SCGB2B2: variants seen among roughly 807,000 people sequenced by gnomAD.
The protein encoded by SCGB2B2 is secretoglobin family 2B member 2, also known as secretoglobin-like protein.
A neutral mutation model predicts 7.6 loss-of-function variants in SCGB2B2; 11 were observed. The observed-to-expected ratio is 1.45, with a 90% CI of 0.91 to 2.40. The LOEUF is 2.40. Among genes scored for constraint, SCGB2B2 ranks in the 30% most tolerant of loss-of-function variants. The pLI is 0.00. For missense variants in SCGB2B2, 104 were observed against 115.4 expected (o/e 0.90, Z 0.45); for synonymous variants, 50 against 48.6 (o/e 1.03, Z -0.12).
chr19:34,627,392 C>G (rs1180081398), intron 1 of SCGB2B2, among the ~76,000 whole-genome samples: 3 of 151,900 alleles, frequency 2.0e-5, no homozygotes, highest in Admixed American at 2.0e-4. Context: ...CACATAGTCT[C>G]AAAATAAAGG....
chr19:34,659,502 A>G (rs2067388400), intron 1 of SCGB2B2, among the ~76,000 whole-genome samples: 1 of 152,200 alleles, frequency 6.6e-6, no homozygotes, highest in Non-Finnish European at 1.5e-5. Context: ...TAATAGACAA[A>G]CGGAGAGCCA....
chr19:34,608,095 G>A (rs994884031), intron 1 of SCGB2B2, among the ~76,000 whole-genome samples: 1 of 152,044 alleles, frequency 6.6e-6, no homozygotes. Context: ...ATCCATGAAA[G>A]TATGAAGTCA....
rs567757887 is a variant in SCGB2B2 at position 34,650,285 on chromosome 19, C to T, written c.-2032+25345G>A. ...CTATGGAGATTGGGGATCTTCCAGC[C>T]GAGCCAACGGCAAAGATGAGGATTT... On this transcript the variant is annotated intron_variant, in intron 1 of 3. Transcript: ENST00000601241. Among the ~76,000 whole-genome samples the T allele has an allele frequency of 2.2e-4, 34 of 151,280 alleles. 2 individuals carry two copies. Among genetic ancestry groups the T allele is most frequent in the African/African-American group, 8.1e-4 (33 of 40,598 alleles).
In SCGB2B2 at chr19:34,652,740, T is replaced by A. The variant is rs1263796813; in HGVS notation, c.-2032+22890A>T. On this transcript the variant is annotated intron_variant, in intron 1 of 3. Coordinates refer to ENST00000601241, the MANE Select transcript of SCGB2B2 (RefSeq NM_001025591.4). ...GGTGAGGAAGCAAAGAAGAGGGAAC[T>A]CTGGTGTGCTGTTGGTGGGAATGTA... Among the ~76,000 whole-genome samples the A allele has an allele frequency of 2.0e-5, 3 of 151,322 alleles. No homozygotes were observed. In the East Asian group the frequency reaches 5.8e-4, roughly 29 times the overall value.
At chr19:34,652,780 T>A (rs1046844134) in intron 1 of SCGB2B2, among the ~76,000 whole-genome samples, 2 of 151,340 alleles carry the variant, frequency 1.3e-5, no homozygotes, top group Non-Finnish European at 2.9e-5. Flanking sequence ...AGAACAGTTA[T>A]TATGAAAAAC....
At chr19:34,611,631 T>A (rs1159637683) in intron 1 of SCGB2B2, among the ~76,000 whole-genome samples, 1 of 146,428 alleles carries the variant, frequency 6.8e-6, no homozygotes. Flanking sequence ...TTAATTTGTT[T>A]CAATAAATTT....
At position 34,594,158 on chromosome 19, in the gene SCGB2B2, C is replaced by T. The variant is rs2065375185; in HGVS notation, c.246+17G>A. 1.2e-6 allele frequency: 2 copies of T among 1,606,858 alleles called. No homozygotes were observed. Among genetic ancestry groups the T allele is most frequent in the Non-Finnish European group, 1.7e-6 (2 of 1,174,136 alleles). On this transcript the variant is annotated intron_variant, in intron 3 of 3. Transcript: ENST00000601241. ...TGTGGCCATGTAGTGTGTGCAGGTC[C>T]CCCCGGGCACACTCACAATAACAAC... is the stretch of plus-strand genomic sequence containing the variant.
intron 1 of SCGB2B2, among the ~76,000 whole-genome samples, chr19:34,661,704 C>G (rs1361292411): frequency 6.6e-6 from 1 of 152,150 alleles, no homozygotes; most frequent in Non-Finnish European, 1.5e-5. Flanking sequence ...GGAATAAGGG[C>G]CATCTTCTCT....
intron 1 of SCGB2B2, among the ~76,000 whole-genome samples, chr19:34,607,893 A>G (rs1357456283): frequency 6.6e-6 from 1 of 152,142 alleles, no homozygotes; most frequent in African/African-American, 2.4e-5. Flanking sequence ...TTTTAGGTTA[A>G]TACCTCCAGC....
At chr19:34,659,685 A>G (rs2067394597) in intron 1 of SCGB2B2, among the ~76,000 whole-genome samples, 1 of 152,254 alleles carries the variant, frequency 6.6e-6, no homozygotes, top group Non-Finnish European at 1.5e-5. Context: ...GGTAGGAAGA[A>G]TCAATATCGT....
At chr19:34,639,413 C>T (rs973167517) in intron 1 of SCGB2B2, among the ~76,000 whole-genome samples, 12 of 152,190 alleles carry the variant, frequency 7.9e-5, no homozygotes, top group African/African-American at 2.7e-4. Flanking sequence ...AAAACACATT[C>T]GAGTGATGCC....
chr19:34,592,085 C>A lies in SCGB2B2; in HGVS notation c.*1470G>T, dbSNP rs2065310530. The stretch of plus-strand genomic sequence containing the variant: ...CATTAAATGAGGCCAATTCTGGGGA[C>A]AGAGGGGAGATGATGTGTCCTGAGA... On this transcript the variant is annotated 3_prime_UTR_variant, in exon 4 of 4. Transcript: ENST00000601241. 6.6e-6 allele frequency among the ~76,000 whole-genome samples: 1 copy of A among 152,026 alleles called. No individual in the cohort carries two copies. The highest frequency in any genetic ancestry group is 1.5e-5 in the Non-Finnish European group (1 of 68,024).
chr19:34,651,457 G>T (rs1299311769), intron 1 of SCGB2B2, among the ~76,000 whole-genome samples: 1 of 151,104 alleles, frequency 6.6e-6, no homozygotes, highest in African/African-American at 2.5e-5. Flanking sequence ...CAAAATCAAC[G>T]TATTAAAAGC....
intron 1 of SCGB2B2, among the ~76,000 whole-genome samples, chr19:34,617,956 T>C (rs2145879268): frequency 6.6e-6 from 1 of 152,362 alleles, no homozygotes; most frequent in South Asian, 2.1e-4. Context: ...CCCCTTGCGC[T>C]TCCCGAGTGA....
intron 1 of SCGB2B2, among the ~76,000 whole-genome samples, chr19:34,657,914 A>G (rs2067325787): frequency 6.6e-6 from 1 of 152,256 alleles, no homozygotes; most frequent in African/African-American, 2.4e-5. Flanking sequence ...CCAAAGTGCA[A>G]TCAAATTAGA....
Position 34,655,098 on chromosome 19 carries a change from C to CA in SCGB2B2, c.-2032+20531dup, listed in dbSNP as rs538886916. ...CAAGAGTTTAATGAATGGCTGTAAA[C>CA]AAAAAATAAAATTCTAAGGCCCCCA... is the stretch of plus-strand genomic sequence containing the variant. On this transcript the variant is annotated intron_variant, in intron 1 of 3. Coordinates refer to ENST00000601241, the MANE Select transcript of SCGB2B2 (RefSeq NM_001025591.4). 1.4e-3 allele frequency among the ~76,000 whole-genome samples: 215 copies of CA among 151,348 alleles called. 20 individuals carry two copies. Among genetic ancestry groups the CA allele is most frequent in the African/African-American group, 5.1e-3 (206 of 40,668 alleles).
At chr19:34,629,834 G>A (rs2066478025) in intron 1 of SCGB2B2, among the ~76,000 whole-genome samples, 1 of 151,938 alleles carries the variant, frequency 6.6e-6, no homozygotes, top group Admixed American at 6.6e-5. Context: ...GAACAAAGCT[G>A]GAGGCATCAC....
chr19:34,638,643 T>C (rs374305904), intron 1 of SCGB2B2, among the ~76,000 whole-genome samples: 64 of 152,244 alleles, frequency 4.2e-4, no homozygotes, highest in Admixed American at 7.8e-4. Flanking sequence ...CCTGATAAAA[T>C]AGTCACTGGA....
In SCGB2B2 at chr19:34,676,942, T is replaced by TGACTCCTCCCAGGATGAGG. The variant is rs1431675740; in HGVS notation, c.-3363_-3345dup. The TGACTCCTCCCAGGATGAGG allele has an allele frequency of 6.6e-6, 1 of 150,800 alleles. No individual in the cohort carries two copies. Among genetic ancestry groups the TGACTCCTCCCAGGATGAGG allele is most frequent in the African/African-American group, 2.4e-5 (1 of 40,932 alleles). 9.3% of individuals were successfully genotyped at this position (150,800 alleles called of 1,614,324 possible). Reference sequence around the variant, plus strand: ...CAGGCTGTGATGGCTGCGGGAGGAGTGACTCCTCCCAGGATGAGGGTCTCC... The same window carrying TGACTCCTCCCAGGATGAGG: ...CAGGCTGTGATGGCTGCGGGAGGAGTGACTCCTCCCAGGATGAGGGACTCCTCCCAGGATGAGGGTCTCC... On this transcript the variant is annotated 5_prime_UTR_variant, in exon 1 of 4. An upstream open reading frame in the 5' UTR loses its in-frame stop. Transcript: ENST00000601241.
Sources: gnomAD v4.1 joint callset for allele counts (sites outside exome capture counted in the v4.1 genomes callset) on GRCh38, gnomAD v4.1.1 for gene constraint, MANE v1.5 for transcripts, NCBI Gene and HGNC (gene_info 2026-07-23, HGNC 2026-07-21) for gene names.